The following CDKN2B-AS1 variants were observed in gnomAD, a reference collection of about 807,000 sequenced individuals.
The protein encoded by CDKN2B-AS1 is CDKN2B antisense RNA 1 (non-protein coding).
At chr9:22,116,639 A>G (rs1011155037) in intron 4 of CDKN2B-AS1, among the ~76,000 whole-genome samples, 1 of 152,158 alleles carries the variant, frequency 6.6e-6, no homozygotes, top group Non-Finnish European at 1.5e-5. Flanking sequence ...GCAAATACAG[A>G]GAACTTGAGA....
intron 4 of CDKN2B-AS1, among the ~76,000 whole-genome samples, chr9:22,092,684 T>C (rs982584945): frequency 6.6e-6 from 1 of 152,180 alleles, no homozygotes; most frequent in Non-Finnish European, 1.5e-5. Context: ...CTTTTAATTT[T>C]TTATTGTGTC....
intron 1 of CDKN2B-AS1, among the ~76,000 whole-genome samples, chr9:22,035,764 T>G (rs1221213306): frequency 6.6e-6 from 1 of 152,182 alleles, no homozygotes; most frequent in Non-Finnish European, 1.5e-5. Flanking sequence ...AGAGATAAGT[T>G]TGCCTGATAG....
intron 4 of CDKN2B-AS1, among the ~76,000 whole-genome samples, chr9:22,095,934 G>T (rs1390751153): frequency 6.6e-6 from 1 of 151,636 alleles, no homozygotes; most frequent in Non-Finnish European, 1.5e-5. Flanking sequence ...TTTTCCATTT[G>T]CTTGGTAGAT....
At chr9:22,079,102 A>T (rs1824599711) in intron 4 of CDKN2B-AS1, among the ~76,000 whole-genome samples, 1 of 152,232 alleles carries the variant, frequency 6.6e-6, no homozygotes, top group African/African-American at 2.4e-5. Context: ...CTCAGTTCTA[A>T]TTCAGTTTAT....
chr9:22,023,698 G>A (rs577790965), intron 1 of CDKN2B-AS1, among the ~76,000 whole-genome samples: 5 of 152,258 alleles, frequency 3.3e-5, no homozygotes, highest in African/African-American at 7.2e-5. Flanking sequence ...AGCTGAGATC[G>A]TGCCACTGCA....
chr9:22,095,890 C>G (rs1825257739), intron 4 of CDKN2B-AS1, among the ~76,000 whole-genome samples: 1 of 151,280 alleles, frequency 6.6e-6, no homozygotes, highest in African/African-American at 2.4e-5. Flanking sequence ...TCTGTTTTAT[C>G]AGAGACTAGG....
chr9:22,118,215 G>A (rs1404001777), intron 4 of CDKN2B-AS1: 1 of 152,108 alleles, frequency 6.6e-6, no homozygotes, highest in African/African-American at 2.4e-5. Context: ...TTAGCTGTGC[G>A]AATAGGCTCA....
chr9:22,078,430 T>A (rs937121758), intron 4 of CDKN2B-AS1, among the ~76,000 whole-genome samples: 3 of 152,204 alleles, frequency 2.0e-5, no homozygotes, highest in Non-Finnish European at 1.5e-5. Context: ...AAATAACAAA[T>A]GCCATTGATT....
At chr9:22,060,040 G>A (rs1823749167) in intron 4 of CDKN2B-AS1, among the ~76,000 whole-genome samples, 1 of 152,126 alleles carries the variant, frequency 6.6e-6, no homozygotes, top group African/African-American at 2.4e-5. Context: ...CCTGTGATGG[G>A]AGGGGCTGCC....
At chr9:22,043,743 A>T (rs986187076) in intron 1 of CDKN2B-AS1, among the ~76,000 whole-genome samples, 4 of 152,066 alleles carry the variant, frequency 2.6e-5, no homozygotes, top group Admixed American at 2.6e-4. Flanking sequence ...AAATTTGTTT[A>T]GTAATAACAG....
In CDKN2B-AS1 at chr9:22,063,673, C is replaced by T. The variant is rs1225223554; in HGVS notation, n.438+7286C>T. ...GGATTTGAGGTTGCTGATGAGTGAC[C>T]AGTTTAGATGACAACTACTGTTTCT... On this transcript the variant is annotated intron_variant and non_coding_transcript_variant, in intron 4 of 4. Transcript: ENST00000650946. Among the ~76,000 whole-genome samples the T allele has an allele frequency of 3.3e-5, 5 of 152,126 alleles. No individual in the cohort carries two copies. In the South Asian group the frequency reaches 8.3e-4, roughly 25 times the overall value.
At chr9:22,105,871 A>T (rs1357013067) in intron 4 of CDKN2B-AS1, among the ~76,000 whole-genome samples, 1 of 152,228 alleles carries the variant, frequency 6.6e-6, no homozygotes, top group African/African-American at 2.4e-5. Flanking sequence ...TTTATTACTT[A>T]CTAACTGGGT....
At chr9:22,119,295 A>G (rs891454585) in intron 4 of CDKN2B-AS1, 1 of 152,188 alleles carries the variant, frequency 6.6e-6, no homozygotes, top group Non-Finnish European at 1.5e-5. Context: ...AAGCATTCCA[A>G]TTTAATGGAG....
intron 1 of CDKN2B-AS1, among the ~76,000 whole-genome samples, chr9:22,013,791 T>C (rs1420994658): frequency 6.6e-6 from 1 of 152,128 alleles, no homozygotes; most frequent in Non-Finnish European, 1.5e-5. Context: ...CCTTTTGCCT[T>C]CTTTTTTTTT....
intron 1 of CDKN2B-AS1, among the ~76,000 whole-genome samples, chr9:22,040,805 G>C (rs1365928177): frequency 6.6e-6 from 1 of 152,046 alleles, no homozygotes; most frequent in East Asian, 1.9e-4. Context: ...CTCCCATGCA[G>C]TCTGATTTCA....
chr9:22,080,798 G>T (rs1290594402), intron 4 of CDKN2B-AS1, among the ~76,000 whole-genome samples: 1 of 152,222 alleles, frequency 6.6e-6, no homozygotes, highest in Non-Finnish European at 1.5e-5. Flanking sequence ...AGACTGCTGG[G>T]TCATGGAATT....
At chr9:22,062,219 A>G (rs1823851093) in intron 4 of CDKN2B-AS1, among the ~76,000 whole-genome samples, 1 of 152,342 alleles carries the variant, frequency 6.6e-6, no homozygotes, top group South Asian at 2.1e-4. Flanking sequence ...TAACCTCTGG[A>G]CAATAAAAAT....
chr9:22,064,267 T>C (rs1823944586), intron 4 of CDKN2B-AS1, among the ~76,000 whole-genome samples: 2 of 152,174 alleles, frequency 1.3e-5, no homozygotes, highest in South Asian at 4.1e-4. Context: ...TATAGTCAGA[T>C]GGCATGAGTA....
At chr9:22,127,390 C>A (rs1452035861) in exon 5 of CDKN2B-AS1, among the ~76,000 whole-genome samples, 2 of 152,188 alleles carry the variant, frequency 1.3e-5, no homozygotes, top group East Asian at 3.8e-4. Context: ...TAAATGTTTT[C>A]TTTAAAAGCA....
Sources: gnomAD v4.1 joint callset for allele counts (sites outside exome capture counted in the v4.1 genomes callset) on GRCh38, gnomAD v4.1.1 for gene constraint, MANE v1.5 for transcripts, NCBI Gene and HGNC (gene_info 2026-07-23, HGNC 2026-07-21) for gene names.